The following PTPRN2 variants were observed in gnomAD, a reference collection of about 807,000 sequenced individuals.
The protein encoded by PTPRN2 is protein tyrosine phosphatase receptor type N2.
In PTPRN2, 74 loss-of-function variants were observed where a neutral mutation model predicts 118.8. That is an observed-to-expected ratio of 0.62 (90% CI 0.52 to 0.76). PTPRN2 has a LOEUF of 0.76. PTPRN2 is among the 30% of genes least tolerant of loss of function. The pLI is 0.00. For synonymous variants in PTPRN2, 641 were observed against 608.0 expected (o/e 1.05, Z -0.80); for missense variants, 1,481 against 1,394.4 (o/e 1.06, Z -0.99).
At chr7:158,461,350 A>G (rs1818968459) in intron 2 of PTPRN2, among the ~76,000 whole-genome samples, 1 of 151,988 alleles carries the variant, frequency 6.6e-6, no homozygotes, top group East Asian at 1.9e-4. Context: ...AAAAAAATTA[A>G]CCGGGCGTGG....
At chr7:157,710,152 G>C (rs1236715502) in intron 12 of PTPRN2, among the ~76,000 whole-genome samples, 1 of 152,186 alleles carries the variant, frequency 6.6e-6, no homozygotes, top group African/African-American at 2.4e-5. Flanking sequence ...CAGGGCACTT[G>C]GGTTATACGA....
chr7:158,102,269 C>T (rs1249920585), intron 10 of PTPRN2, among the ~76,000 whole-genome samples: 1 of 152,220 alleles, frequency 6.6e-6, no homozygotes, highest in African/African-American at 2.4e-5. Context: ...CACAGAAGGG[C>T]TTTGCCAGAG....
rs528114653 is a variant in PTPRN2 at position 157,671,248 on chromosome 7, G to C, written c.2001+11477C>G. ...CAGACCTGGCCTTTGGGAAGCCAAG[G>C]CTGTCCCCACACGGGCTGGTCTGGT... On this transcript the variant is annotated intron_variant, in intron 13 of 22. Coordinates refer to ENST00000389418, the MANE Select transcript of PTPRN2 (RefSeq NM_002847.5). This position sits in a 1 kb window ranked among gnomAD's most constrained non-coding sequence, Gnocchi z 4.1. Among the ~76,000 whole-genome samples the C allele has an allele frequency of 6.6e-6, 1 of 152,310 alleles. No individual in the cohort carries two copies. The highest frequency in any genetic ancestry group is 1.5e-5 in the Non-Finnish European group (1 of 68,026).
intron 12 of PTPRN2, among the ~76,000 whole-genome samples, chr7:157,689,126 G>A (rs1346433685): frequency 6.6e-6 from 1 of 152,252 alleles, no homozygotes; most frequent in Non-Finnish European, 1.5e-5. Context: ...CTGGAGCGCA[G>A]AGGGGTGTGC....
intron 14 of PTPRN2, among the ~76,000 whole-genome samples, chr7:157,625,882 A>C (rs1304031085): frequency 2.6e-5 from 4 of 152,208 alleles, no homozygotes; most frequent in Non-Finnish European, 5.9e-5. Flanking sequence ...GTAGAAAAGA[A>C]AAGAAAATGA....
intron 11 of PTPRN2, among the ~76,000 whole-genome samples, chr7:158,040,947 G>C (rs372832567): frequency 1.3e-5 from 2 of 152,144 alleles, no homozygotes; most frequent in African/African-American, 4.8e-5. Flanking sequence ...TGGCAAGGCT[G>C]GTCTTGAACT....
At chr7:157,889,344 C>A (rs1796664891) in intron 12 of PTPRN2, among the ~76,000 whole-genome samples, 1 of 152,032 alleles carries the variant, frequency 6.6e-6, no homozygotes, top group South Asian at 2.1e-4. Context: ...TCTCTGAGGG[C>A]TGAACAGAAA....
At chr7:157,571,522 C>T (rs756088916) in intron 19 of PTPRN2, 29 bp from the exon 20 acceptor site, 38 of 1,546,446 alleles carry the variant, frequency 2.5e-5, no homozygotes, top group South Asian at 3.4e-5. Flanking sequence ...TAAAAATTAT[C>T]GTTGTGTACT....
intron 6 of PTPRN2, among the ~76,000 whole-genome samples, chr7:158,142,922 G>A (rs548104970): frequency 2.0e-5 from 3 of 152,284 alleles, no homozygotes; most frequent in South Asian, 2.1e-4. Context: ...CGGAATTAAA[G>A]GTGCGTGTAT....
At chr7:157,568,169 C>T (rs986148420) in intron 21 of PTPRN2, among the ~76,000 whole-genome samples, 2 of 152,222 alleles carry the variant, frequency 1.3e-5, no homozygotes, top group Admixed American at 6.5e-5. Flanking sequence ...GCCAGACCCG[C>T]GCACAGATCT....
rs1272687122 is a variant in PTPRN2 at position 157,903,657 on chromosome 7, T to C, written c.1724-4920A>G. On this transcript the variant is annotated intron_variant, in intron 11 of 22. Transcript: ENST00000389418. The surrounding 1 kb of genome is among the most constrained non-coding windows in gnomAD (Gnocchi z 4.2). Reference sequence around the variant, plus strand: ...GGTTTTTTCTTTTTCCTTTTTTTTTTTTATACTAAAAGGTTTTAAGAGAGT... The same window carrying C: ...GGTTTTTTCTTTTTCCTTTTTTTTTCTTATACTAAAAGGTTTTAAGAGAGT... Among the ~76,000 whole-genome samples, 2 of 151,896 alleles carry C rather than the reference T, an allele frequency of 1.3e-5. No homozygotes were observed. The highest frequency in any genetic ancestry group is 4.8e-5 in the African/African-American group (2 of 41,352).
At chr7:158,234,216 C>T (rs1829363816) in intron 3 of PTPRN2, among the ~76,000 whole-genome samples, 1 of 151,498 alleles carries the variant, frequency 6.6e-6, no homozygotes, top group South Asian at 2.1e-4. Context: ...GTAAACGATC[C>T]ATCTGACAAG....
At chr7:158,081,237 CGTGCGTGTGTGT>C in intron 11 of PTPRN2, 49 bp downstream of exon 11, 1 of 1,466,786 alleles carries the variant, frequency 6.8e-7, no homozygotes, top group Non-Finnish European at 9.5e-7. Context: ...TGCGTGTTTG[CGTGCGTGTGTGT>C]GTGCACACAC....
intron 3 of PTPRN2, among the ~76,000 whole-genome samples, chr7:158,273,515 G>GGGGGAGCCGCAGGC (rs1798674713): frequency 3.5e-5 from 2 of 57,342 alleles, no homozygotes; most frequent in African/African-American, 7.9e-5. Context: ...GCCGCAGACA[G>GGGGGAGCCGCAGGC]ACATGGGAGG....
At chr7:158,395,307 AGG>A (rs1812283069) in intron 2 of PTPRN2, among the ~76,000 whole-genome samples, 1 of 59,192 alleles carries the variant, frequency 1.7e-5, no homozygotes, top group Non-Finnish European at 3.5e-5. Flanking sequence ...GTGAGGGGCG[AGG>A]GGTGAGGGGC....
In PTPRN2 at chr7:157,632,837, G is replaced by T. The variant is rs372464293; in HGVS notation, c.2197-11328C>A. ...TATAAGCAATGGAAAATAATTCAGA[G>T]AATTATACTATGTTTTCCATAAATG... On this transcript the variant is annotated intron_variant, in intron 14 of 22. Transcript: ENST00000389418. The surrounding 1 kb of genome is among the most constrained non-coding windows in gnomAD (Gnocchi z 4.3). Among the ~76,000 whole-genome samples, 6 of 152,294 alleles carry T rather than the reference G, an allele frequency of 3.9e-5. No individual in the cohort carries two copies. The East Asian group carries it at 7.7e-4, about 20-fold the overall frequency.
At chr7:158,203,264 AAG>A (rs1826798902) in intron 4 of PTPRN2, among the ~76,000 whole-genome samples, 2 of 150,262 alleles carry the variant, frequency 1.3e-5, no homozygotes, top group Non-Finnish European at 3.0e-5. Flanking sequence ...AGAGGAAAGA[AAG>A]AGGAAAGAAA....
Position 158,441,279 on chromosome 7 carries a change from A to G in PTPRN2, c.163+48456T>C, listed in dbSNP as rs867883741. 1.3e-4 allele frequency among the ~76,000 whole-genome samples: 9 copies of G among 70,192 alleles called. 1 individual carries two copies. Among genetic ancestry groups the G allele is most frequent in the South Asian group, 4.9e-4 (1 of 2,044 alleles). The allele number at this position is 70,192 out of a possible 152,430, so 46.0% of individuals were successfully genotyped here. A position where few individuals can be genotyped will look rare whatever the true frequency, so the allele number is the denominator to read the frequency against. On this transcript the variant is annotated intron_variant, in intron 2 of 22. Transcript: ENST00000389418. ...GATGGTGATGGTGATAGTGATGGTG[A>G]TGGTGGTGGTGGTGATGGTGATAGT...
intron 3 of PTPRN2, among the ~76,000 whole-genome samples, chr7:158,292,141 G>A (rs1174909669): frequency 6.6e-6 from 1 of 152,188 alleles, no homozygotes; most frequent in East Asian, 1.9e-4. Flanking sequence ...AGAAATGCCA[G>A]GGTTTTCTGT....
Sources: allele counts gnomAD v4.1 joint callset (sites outside exome capture counted in the v4.1 genomes callset), GRCh38; gene constraint gnomAD v4.1.1; non-coding constraint Gnocchi (gnomAD v3.1); transcripts MANE v1.5; gene names NCBI Gene and HGNC (gene_info 2026-07-23, HGNC 2026-07-21).